VAV2: variants seen among roughly 807,000 people sequenced by gnomAD.
VAV2 encodes guanine nucleotide exchange factor VAV2.
In VAV2, 67 loss-of-function variants were observed where a neutral mutation model predicts 132.5. The ratio of observed to expected loss-of-function variants is 0.51; its 90% CI spans 0.42 to 0.62. The LOEUF (loss-of-function observed/expected upper bound fraction) is 0.62. Among genes scored for constraint, VAV2 ranks in the 20% least tolerant of loss-of-function variants. The pLI is 0.00. For missense variants in VAV2, 938 were observed against 1,153.6 expected (o/e 0.81, Z 2.71); for synonymous variants, 492 against 443.5 (o/e 1.11, Z -1.37).
rs116593853 is a variant in VAV2, at chr9:133,882,567, T to C, written c.322-21135A>G. 4.1e-3 allele frequency among the ~76,000 whole-genome samples: 630 copies of C among 152,148 alleles called. 1 individual carries two copies. The highest frequency in any genetic ancestry group is 0.014 in the African/African-American group (587 of 41,506). On this transcript the variant is annotated intron_variant, in intron 2 of 29. Coordinates refer to ENST00000371850, the MANE Select transcript of VAV2 (RefSeq NM_001134398.2). ...AGACATAGGGAGAAAGGGGAGGCCA[T>C]GTGAAGTCAGATCCCCACCCCCGCG...
At chr9:133,876,480 G>A (rs1001438320) in intron 2 of VAV2, among the ~76,000 whole-genome samples, 1 of 152,262 alleles carries the variant, frequency 6.6e-6, no homozygotes, top group Admixed American at 6.5e-5. Flanking sequence ...CCAGGAGAAC[G>A]TGCAGGGGCA....
At chr9:133,781,053 G>A (rs1159446301) in intron 19 of VAV2, among the ~76,000 whole-genome samples, 2 of 152,214 alleles carry the variant, frequency 1.3e-5, no homozygotes, top group Non-Finnish European at 2.9e-5. Context: ...GTGGTACCTG[G>A]CACTCAAAGG....
intron 1 of VAV2, among the ~76,000 whole-genome samples, chr9:133,978,522 A>G (rs533794803): frequency 6.6e-6 from 1 of 152,378 alleles, no homozygotes; most frequent in East Asian, 1.9e-4. Context: ...CTTTGAACCC[A>G]AAAGTACAAA....
intron 1 of VAV2, among the ~76,000 whole-genome samples, chr9:133,953,745 G>A (rs2132190490): frequency 6.6e-6 from 1 of 152,136 alleles, no homozygotes; most frequent in East Asian, 1.9e-4. Context: ...TTCAAATCCT[G>A]AAGGTCCCCC....
intron 2 of VAV2, among the ~76,000 whole-genome samples, chr9:133,877,831 G>A (rs774710200): frequency 3.1e-4 from 47 of 151,350 alleles, no homozygotes; most frequent in African/African-American, 9.6e-4. Flanking sequence ...CTAACACTAC[G>A]GCAATAACTT....
At position 133,928,389 on chromosome 9, in the gene VAV2, C is replaced by T. The variant is rs565327425; in HGVS notation, c.321+10714G>A. ...CAACAGCCCCTGCGCCGGGCTCTGC[C>T]GGGAGCCTGAGGCAGCTCCCCACCC... is the stretch of plus-strand genomic sequence containing the variant. On this transcript the variant is annotated intron_variant, in intron 2 of 29. Coordinates refer to ENST00000371850, the MANE Select transcript of VAV2 (RefSeq NM_001134398.2). The surrounding 1 kb of genome is among the most constrained non-coding windows in gnomAD (Gnocchi z 5.4). 3.3e-5 allele frequency among the ~76,000 whole-genome samples: 5 copies of T among 152,280 alleles called. No individual in the cohort carries two copies. The highest frequency in any genetic ancestry group is 2.1e-4 in the South Asian group (1 of 4,828).
intron 2 of VAV2, among the ~76,000 whole-genome samples, chr9:133,925,253 G>A (rs923660970): frequency 2.0e-5 from 3 of 152,132 alleles, no homozygotes; most frequent in African/African-American, 4.8e-5. Flanking sequence ...GTCTCGCTCT[G>A]TTGCCCAGAC....
At chr9:133,901,453 G>A (rs1032801281) in intron 2 of VAV2, among the ~76,000 whole-genome samples, 4 of 152,246 alleles carry the variant, frequency 2.6e-5, no homozygotes, top group Non-Finnish European at 5.9e-5. Context: ...AGCATGGCCT[G>A]TGGTGGCTCT....
At chr9:133,830,217 T>C (rs1320597289) in intron 4 of VAV2, among the ~76,000 whole-genome samples, 2 of 152,194 alleles carry the variant, frequency 1.3e-5, no homozygotes, top group Non-Finnish European at 2.9e-5. Context: ...GTGACCTTCA[T>C]GTTGGGCATC....
intron 3 of VAV2, among the ~76,000 whole-genome samples, chr9:133,856,963 C>G (rs545494177): frequency 6.6e-6 from 1 of 152,188 alleles, no homozygotes; most frequent in Admixed American, 6.5e-5. Flanking sequence ...CCAGGTGCTG[C>G]GCTGCACGAT....
chr9:133,854,287 A>G (rs1340392890), intron 3 of VAV2, among the ~76,000 whole-genome samples: 2 of 85,484 alleles, frequency 2.3e-5, no homozygotes, highest in Non-Finnish European at 4.2e-5. Flanking sequence ...ATATGCACAC[A>G]CACACACCCA....
At chr9:133,934,144 G>T (rs984717833) in intron 2 of VAV2, among the ~76,000 whole-genome samples, 1 of 152,160 alleles carries the variant, frequency 6.6e-6, no homozygotes, top group Admixed American at 6.5e-5. Flanking sequence ...TAAATGGATG[G>T]ATGAGTGAAT....
intron 1 of VAV2, among the ~76,000 whole-genome samples, chr9:133,970,312 T>C (rs183588609): frequency 6.6e-6 from 1 of 152,262 alleles, no homozygotes; most frequent in East Asian, 1.9e-4. Flanking sequence ...CCGCCATGTC[T>C]TGAAAATACA....
At position 133,926,569 on chromosome 9, in the gene VAV2, G is replaced by A. The variant is rs1419939325; in HGVS notation, c.321+12534C>T. Among the ~76,000 whole-genome samples the A allele has an allele frequency of 6.6e-6, 1 of 151,982 alleles. No individual in the cohort carries two copies. Among genetic ancestry groups the A allele is most frequent in the Admixed American group, 6.6e-5 (1 of 15,254 alleles). ...CCAAGCAGACCTCCCTTCTAAACCTGAGCAGGCCAGGCCACCGCCACCAGC... is the reference window on the plus strand; with the variant it reads ...CCAAGCAGACCTCCCTTCTAAACCTAAGCAGGCCAGGCCACCGCCACCAGC... On this transcript the variant is annotated intron_variant, in intron 2 of 29. Coordinates refer to ENST00000371850, the MANE Select transcript of VAV2 (RefSeq NM_001134398.2). This position sits in a 1 kb window ranked among gnomAD's most constrained non-coding sequence, Gnocchi z 4.3.
At chr9:133,907,476 A>C (rs2132032344) in intron 2 of VAV2, among the ~76,000 whole-genome samples, 1 of 152,342 alleles carries the variant, frequency 6.6e-6, no homozygotes, top group East Asian at 1.9e-4. Flanking sequence ...CTGGAGACAG[A>C]ATCAGGAGAA....
Position 133,834,413 on chromosome 9 carries a change from C to T in VAV2, c.381-73G>A, listed in dbSNP as rs562993931. On this transcript the variant is annotated intron_variant, in intron 3 of 29. Coordinates refer to ENST00000371850, the MANE Select transcript of VAV2 (RefSeq NM_001134398.2). This position sits in a 1 kb window ranked among gnomAD's most constrained non-coding sequence, Gnocchi z 5.9. ...GGCCAGTGGGACCCCAGCTGGACCC[C>T]ACAGCAGAGCCCAGTGTGGCCCAGC... 15 of 1,495,388 alleles carry T rather than the reference C, an allele frequency of 1.0e-5. No homozygotes were observed. The African/African-American group carries it at 1.8e-4, about 18-fold the overall frequency. 92.6% of individuals were successfully genotyped at this position (1,495,388 alleles called of 1,614,324 possible). A position where few individuals can be genotyped will look rare whatever the true frequency, so the allele number is the denominator to read the frequency against.
At position 133,792,818 on chromosome 9, in the gene VAV2, A is replaced by G. The variant is rs543911127; in HGVS notation, c.1102-949T>C. ...GCATGACAGATGAGGAAACTGAGGC[A>G]GGAAAGGGAACACACTGACCGAGAG... On this transcript the variant is annotated intron_variant, in intron 12 of 29. Coordinates refer to ENST00000371850, the MANE Select transcript of VAV2 (RefSeq NM_001134398.2). 2.6e-5 allele frequency among the ~76,000 whole-genome samples: 4 copies of G among 151,798 alleles called. No homozygotes were observed. In the East Asian group the frequency reaches 7.8e-4, roughly 30 times the overall value.
chr9:133,856,970 C>T (rs771893612), intron 3 of VAV2, among the ~76,000 whole-genome samples: 23 of 152,194 alleles, frequency 1.5e-4, no homozygotes, highest in Admixed American at 5.9e-4. Context: ...CTGCGCTGCA[C>T]GATGCACAGA....
intron 5 of VAV2, among the ~76,000 whole-genome samples, chr9:133,811,192 C>A (rs1481173889): frequency 6.6e-6 from 1 of 152,222 alleles, no homozygotes; most frequent in East Asian, 1.9e-4. Context: ...CCTTCGAGGA[C>A]AAGCAGAGAA....
Sources: allele counts gnomAD v4.1 joint callset (sites outside exome capture counted in the v4.1 genomes callset), GRCh38; gene constraint gnomAD v4.1.1; non-coding constraint Gnocchi (gnomAD v3.1); transcripts MANE v1.5; gene names NCBI Gene and HGNC (gene_info 2026-07-23, HGNC 2026-07-21).